Variants in COL22A1 observed in about 807,000 individuals in gnomAD.
COL22A1 encodes the protein collagen type XXII alpha 1 chain.
COL22A1 carries 221 observed loss-of-function variants against 248.9 expected under a neutral mutation model. The observed-to-expected ratio is 0.89, with a 90% confidence interval of 0.80 to 0.99. The LOEUF is 0.99. Ranked by LOEUF, COL22A1 falls within the 50% of genes least tolerant of loss-of-function variation. The pLI, the probability that COL22A1 is intolerant of heterozygous loss-of-function variation, is 0.00. For synonymous variants in COL22A1, 891 were observed against 793.4 expected, an observed-to-expected ratio of 1.12 and a Z score of -2.07; for missense variants, 2,240 against 2,179.0, an observed-to-expected ratio of 1.03 and a Z score of -0.56.
intron 22 of COL22A1, among the ~76,000 whole-genome samples, chr8:138,740,405 T>G (rs1183733626): frequency 1.3e-5 from 2 of 152,092 alleles, no homozygotes; most frequent in Non-Finnish European, 2.9e-5. Context: ...GGATGAAGCA[T>G]CAGTTCCCTC....
At chr8:138,683,291 A>C (rs1469330977) in intron 39 of COL22A1, among the ~76,000 whole-genome samples, 1 of 152,210 alleles carries the variant, frequency 6.6e-6, no homozygotes, top group African/African-American at 2.4e-5. Context: ...TAATGAATGC[A>C]TTGGTAATTG....
chr8:138,849,073 G>A (rs1407268817), intron 3 of COL22A1, among the ~76,000 whole-genome samples: 3 of 152,174 alleles, frequency 2.0e-5, no homozygotes, highest in South Asian at 2.1e-4. Flanking sequence ...CCGCTGCTCC[G>A]AGGCCAGCCA....
chr8:138,810,058 A>T (rs1325648049), intron 9 of COL22A1, among the ~76,000 whole-genome samples: 1 of 152,232 alleles, frequency 6.6e-6, no homozygotes, highest in Non-Finnish European at 1.5e-5. Flanking sequence ...AGAAAAAGGA[A>T]TATGCTGTCA....
At chr8:138,848,220 CAA>C (rs1563840256) in intron 3 of COL22A1, among the ~76,000 whole-genome samples, 1 of 152,180 alleles carries the variant, frequency 6.6e-6, no homozygotes, top group African/African-American at 2.4e-5. Flanking sequence ...CATCTAATGA[CAA>C]AGACACTGCT....
intron 48 of COL22A1, among the ~76,000 whole-genome samples, chr8:138,635,748 AC>A (rs1305178890): frequency 6.6e-6 from 1 of 152,202 alleles, no homozygotes. Flanking sequence ...CACAGGCTAC[AC>A]CATTCAATGT....
chr8:138,843,985 C>T, intron 4 of COL22A1, 99 bp downstream of exon 4: 2 of 1,007,076 alleles, frequency 2.0e-6, no homozygotes. Flanking sequence ...GGAACAAGAA[C>T]AGGGTCAGTG....
At chr8:138,870,167 G>A (rs74466693) in intron 3 of COL22A1, among the ~76,000 whole-genome samples, 1,739 of 151,800 alleles carry the variant, frequency 0.011, 21 homozygotes, top group Admixed American at 0.023. Context: ...GTGTGTGGGT[G>A]TGGAGGGTTG....
chr8:138,859,308 G>T (rs1033414308), intron 3 of COL22A1, among the ~76,000 whole-genome samples: 1 of 152,200 alleles, frequency 6.6e-6, no homozygotes, highest in East Asian at 1.9e-4. Flanking sequence ...AAGGAGCTGG[G>T]CTCAGCCCTC....
intron 64 of COL22A1, among the ~76,000 whole-genome samples, chr8:138,590,464 T>C (rs963028205): frequency 6.2e-4 from 94 of 152,308 alleles, no homozygotes; most frequent in Non-Finnish European, 1.1e-3. Context: ...TACTCTTTAT[T>C]TGAAATTGCC....
chr8:138,806,089 GGTGTGTGATGGTGTGTTT>G (rs1817662257), intron 10 of COL22A1, among the ~76,000 whole-genome samples: 1 of 6,430 alleles, frequency 1.6e-4, no homozygotes, highest in Admixed American at 2.1e-3. Flanking sequence ...TGTGTGTAAT[GGTGTGTGATGGTGTGTTT>G]GTGTGTGATG....
chr8:138,598,747 G>A lies in COL22A1; in HGVS notation c.4337C>T (p.Pro1446Leu). Residue 1446 changes from proline to leucine, a missense_variant, in exon 61 of 65, where the codon CCA becomes CTA. By Grantham distance (98) the Pro-to-Leu change is moderately conservative. Transcript: ENST00000303045. The stretch of plus-strand genomic sequence containing the variant: ...CAGTCCTGGAAATCCCGGCTGGCCT[G>A]GAGGCCCTGGGGGTCCAACTGGTCC... ...ENGPVGPPGPPGQPGFPGLRG... is the reference protein window; with the variant it reads ...ENGPVGPPGPLGQPGFPGLRG... 3.7e-6 allele frequency: 6 copies of A among 1,613,832 alleles called. No homozygotes were observed. The highest frequency in any genetic ancestry group is 5.1e-6 in the Non-Finnish European group (6 of 1,179,892).
chr8:138,604,861 C>A, intron 58 of COL22A1, 92 bp from the exon 59 acceptor site: 2 of 1,077,440 alleles, frequency 1.9e-6, no homozygotes, highest in South Asian at 2.7e-5. Context: ...CCACTCAAGT[C>A]ATGTTCCAGC....
At chr8:138,845,711 G>A (rs1443932846) in intron 3 of COL22A1, among the ~76,000 whole-genome samples, 2 of 152,020 alleles carry the variant, frequency 1.3e-5, no homozygotes, top group Admixed American at 6.5e-5. Flanking sequence ...GGGCACCTGT[G>A]GCATGGGAGA....
At chr8:138,603,424 A>T (rs1818191284) in intron 59 of COL22A1, among the ~76,000 whole-genome samples, 1 of 152,202 alleles carries the variant, frequency 6.6e-6, no homozygotes, top group African/African-American at 2.4e-5. Context: ...TGCGTGGAAG[A>T]GTGAGGACCA....
chr8:138,770,252 T>C (rs1418594818), intron 16 of COL22A1, among the ~76,000 whole-genome samples: 1 of 152,218 alleles, frequency 6.6e-6, no homozygotes, highest in African/African-American at 2.4e-5. Flanking sequence ...CATGGTTTTC[T>C]AGGTGGAAAC....
intron 16 of COL22A1, among the ~76,000 whole-genome samples, chr8:138,764,192 A>G (rs971995652): frequency 3.3e-5 from 5 of 152,152 alleles, no homozygotes; most frequent in South Asian, 4.1e-4. Context: ...CCTGCCCACC[A>G]GTGGACAATG....
chr8:138,758,232 G>T (rs1328632604), intron 18 of COL22A1, among the ~76,000 whole-genome samples: 2 of 152,184 alleles, frequency 1.3e-5, no homozygotes, highest in East Asian at 3.9e-4. Flanking sequence ...CAGCACCAGT[G>T]GACCCTTGAG....
At chr8:138,801,194 A>G (rs1195026096) in intron 11 of COL22A1, among the ~76,000 whole-genome samples, 1 of 152,102 alleles carries the variant, frequency 6.6e-6, no homozygotes, top group Non-Finnish European at 1.5e-5. Context: ...TGAGCACAAG[A>G]CCCAGATTAA....
chr8:138,772,259 A>G (rs529255776), intron 16 of COL22A1, among the ~76,000 whole-genome samples: 9 of 152,342 alleles, frequency 5.9e-5, no homozygotes, highest in Middle Eastern at 6.8e-3. Flanking sequence ...TGCTGCAGGT[A>G]CCAGCTCACG....
Sources: allele counts gnomAD v4.1 joint callset (sites outside exome capture counted in the v4.1 genomes callset), GRCh38; gene constraint gnomAD v4.1.1; transcripts MANE v1.5; gene names NCBI Gene and HGNC (gene_info 2026-07-23, HGNC 2026-07-21).